TTC14: variants seen among roughly 807,000 people sequenced by gnomAD.
TTC14 encodes tetratricopeptide repeat protein 14.
In TTC14, 63 loss-of-function variants were observed where a neutral mutation model predicts 79.9. The observed-to-expected ratio is 0.79, with a 90% confidence interval of 0.64 to 0.97. The LOEUF is 0.97. Ranked by LOEUF, TTC14 falls within the 50% of genes least tolerant of loss-of-function variation. TTC14 has a pLI of 0.00. For synonymous variants in TTC14, 335 were observed against 309.6 expected (o/e 1.08, Z -0.86); for missense variants, 895 against 894.0 (o/e 1.00, Z -0.01).
chr3:180,615,154 G>GT (rs1717184099), downstream of TTC14: 3 of 1,082,402 alleles, frequency 2.8e-6, no homozygotes, highest in Admixed American at 1.0e-4. Flanking sequence ...TTGGCAAAAG[G>GT]TACCATAATT....
At chr3:180,605,155 T>G in intron 6 of TTC14, 148 bp downstream of exon 6, 1 of 661,188 alleles carries the variant, frequency 1.5e-6, no homozygotes, top group Non-Finnish European at 2.5e-6. Flanking sequence ...GATCCCATCT[T>G]CTGGACTGGA....
At chr3:180,616,233 T>G (rs763335498) in intron 12 of TTC14, 2 of 1,504,496 alleles carry the variant, frequency 1.3e-6, no homozygotes, top group Admixed American at 1.7e-5. Context: ...AATCACTTAG[T>G]GTACAGCTGT....
chr3:180,617,190 G>T (rs910076177), intron 12 of TTC14, among the ~76,000 whole-genome samples: 1 of 152,036 alleles, frequency 6.6e-6, no homozygotes, highest in Non-Finnish European at 1.5e-5. Flanking sequence ...GTTACCTAGC[G>T]ACATTGTAAT....
At chr3:180,607,600 T>C (rs1335671462) in intron 9 of TTC14, 48 bp from the exon 10 acceptor site, 1 of 1,571,142 alleles carries the variant, frequency 6.4e-7, no homozygotes, top group Non-Finnish European at 8.6e-7. Context: ...CATATTTGGA[T>C]AGTTTTGTTG....
chr3:180,617,120 A>G (rs973596408), intron 12 of TTC14, among the ~76,000 whole-genome samples: 1 of 152,162 alleles, frequency 6.6e-6, no homozygotes, highest in Non-Finnish European at 1.5e-5. Context: ...ATCTCGGTCA[A>G]TGATGGACTG....
chr3:180,612,624 C>G (rs1160220986), downstream of TTC14, among the ~76,000 whole-genome samples: 5 of 152,098 alleles, frequency 3.3e-5, no homozygotes, highest in Non-Finnish European at 7.3e-5. Flanking sequence ...GTGGTGCATG[C>G]CTATAGTCCC....
chr3:180,603,088 C>G (rs748050855), intron 2 of TTC14, 36 bp from the exon 3 acceptor site: 1 of 1,610,710 alleles, frequency 6.2e-7, no homozygotes, highest in South Asian at 1.1e-5. Context: ...GAACTCAAAA[C>G]TATCGTTAGT....
chr3:180,605,299 C>T (rs929721442), intron 6 of TTC14: 4 of 219,250 alleles, frequency 1.8e-5, no homozygotes, highest in Admixed American at 1.1e-4. Context: ...TTTTTTGAGT[C>T]GGAGTCTCAC....
chr3:180,604,467 T>G lies in TTC14; in HGVS notation c.572-11T>G, dbSNP rs772281595. 16 of 1,577,530 alleles carry G rather than the reference T, an allele frequency of 1.0e-5. 1 individual carries two copies. Among genetic ancestry groups the G allele is most frequent in the Middle Eastern group, 3.8e-4 (2 of 5,226 alleles). On this transcript the variant is annotated splice_polypyrimidine_tract_variant and intron_variant, in intron 4 of 11. Coordinates refer to ENST00000296015, the MANE Select transcript of TTC14 (RefSeq NM_133462.4). ...ACTAATCAGCTTAGTTCTCTTTTTT[T>G]TTTTCTTAAGCTGGAATCAAGGATA...
In TTC14 at chr3:180,607,632, T is replaced by G. The variant is rs371046214; in HGVS notation, c.1173-16T>G. ...GTTGTTTTTACAAAAAAGCTAAATC[T>G]TTCTTTCAAATTTAGGTTAGAAGAA... On this transcript the variant is annotated splice_polypyrimidine_tract_variant and intron_variant, in intron 9 of 11. Transcript: ENST00000296015. The G allele has an allele frequency of 1.1e-5, 17 of 1,595,296 alleles. No individual in the cohort carries two copies. The African/African-American group carries it at 2.3e-4, about 22-fold the overall frequency.
chr3:180,609,086 A>G (rs1716848487), intron 11 of TTC14: 1 of 896,574 alleles, frequency 1.1e-6, no homozygotes, highest in African/African-American at 1.8e-5. Flanking sequence ...TTTTAGAACT[A>G]GAGCAGTGGT....
chr3:180,607,241 C>T (rs1371950290), intron 9 of TTC14, among the ~76,000 whole-genome samples: 1 of 152,130 alleles, frequency 6.6e-6, no homozygotes. Context: ...ATGCTATTTA[C>T]AGGCTCATTG....
Position 180,608,724 on chromosome 3 carries a change from A to G in TTC14, c.1314A>G (p.Lys438=). ...AGAAATCTTTGGAATTAAGAGAAAAACAAGCTGAAAAGGAAGAAAAGCAGA... is the reference window on the plus strand; with the variant it reads ...AGAAATCTTTGGAATTAAGAGAAAAGCAAGCTGAAAAGGAAGAAAAGCAGA... ...YMQKSLELRE[K]QAEKEEKQKT... is the part of the protein sequence containing the mutation. Residue 438 remains lysine (K), a synonymous_variant, in exon 11 of 12, where the codon AAA becomes AAG. Transcript: ENST00000296015. The G allele has an allele frequency of 1.3e-6, 2 of 1,544,824 alleles. No individual in the cohort carries two copies. The highest frequency in any genetic ancestry group is 2.3e-5 in the Admixed American group (1 of 44,444).
chr3:180,602,489 C>T, intron 1 of TTC14, 67 bp downstream of exon 1: 2 of 1,500,426 alleles, frequency 1.3e-6, no homozygotes, highest in Non-Finnish European at 8.9e-7. Flanking sequence ...ACTACCGCAG[C>T]CCCGGGTTTG....
chr3:180,608,428 G>T (rs1716812138), intron 10 of TTC14: 8 of 1,014,190 alleles, frequency 7.9e-6, no homozygotes, highest in Non-Finnish European at 8.2e-6. Context: ...TTGCACTCTG[G>T]GTCATGGGTA....
At chr3:180,613,385 T>C (rs970103756), downstream of TTC14, among the ~76,000 whole-genome samples, 2 of 152,224 alleles carry the variant, frequency 1.3e-5, no homozygotes, top group African/African-American at 4.8e-5. Context: ...CTGAAGTTGT[T>C]AGAACTGTTA....
chr3:180,608,933 A>G, intron 11 of TTC14, 123 bp downstream of exon 11: 2 of 1,240,648 alleles, frequency 1.6e-6, no homozygotes, highest in Non-Finnish European at 2.0e-6. Flanking sequence ...AGTGACTGTT[A>G]AGAATCTTTA....
chr3:180,607,438 C>A (rs535191813), intron 9 of TTC14, among the ~76,000 whole-genome samples: 2 of 152,238 alleles, frequency 1.3e-5, no homozygotes, highest in East Asian at 3.9e-4. Flanking sequence ...CAATATTGGA[C>A]ATATACCTTT....
Position 180,611,089 on chromosome 3 carries a change from C to T in TTC14, c.*547C>T. The stretch of plus-strand genomic sequence containing the variant: ...TGGTAGATTATATGTCTTAATTTTC[C>T]TCTAAAGCCCAATTTGATTAAAAGT... On this transcript the variant is annotated 3_prime_UTR_variant, in exon 12 of 12. Transcript: ENST00000296015. 1 of 981,462 alleles carries T rather than the reference C, an allele frequency of 1.0e-6. No individual in the cohort carries two copies. Among genetic ancestry groups the T allele is most frequent in the Non-Finnish European group, 1.2e-6 (1 of 826,608 alleles). 60.8% of individuals were successfully genotyped at this position (981,462 alleles called of 1,614,324 possible). A position where few individuals can be genotyped will look rare whatever the true frequency, so the allele number is the denominator to read the frequency against.
Sources: gnomAD v4.1 joint callset for allele counts (sites outside exome capture counted in the v4.1 genomes callset) on GRCh38, gnomAD v4.1.1 for gene constraint, MANE v1.5 for transcripts, NCBI Gene and HGNC (gene_info 2026-07-23, HGNC 2026-07-21) for gene names.